Variants in GNAO1 observed in about 807,000 individuals in gnomAD.
GNAO1 encodes guanine nucleotide-binding protein G(o) subunit alpha.
For missense variants in GNAO1, 166 were observed against 478.7 expected, an observed-to-expected ratio of 0.35 and a Z score of 6.10; for synonymous variants, 164 against 180.7, an observed-to-expected ratio of 0.91 and a Z score of 0.74.
chr16:56,309,815 A>G (rs1022215030), intron 3 of GNAO1, among the ~76,000 whole-genome samples: 20 of 152,240 alleles, frequency 1.3e-4, no homozygotes, highest in African/African-American at 4.8e-4. Flanking sequence ...GTGCTGGGGC[A>G]GTCCTCCCCA....
At position 56,290,784 on chromosome 16, in the gene GNAO1, C is replaced by T. The variant is rs144614724; in HGVS notation, c.303+14712C>T. Among the ~76,000 whole-genome samples, 1,119 of 152,258 alleles carry T rather than the reference C, an allele frequency of 7.3e-3. 9 individuals carry two copies. Among genetic ancestry groups the T allele is most frequent in the African/African-American group, 0.021 (893 of 41,552 alleles). On this transcript the variant is annotated intron_variant, in intron 3 of 8. Coordinates refer to ENST00000262493, the MANE Select transcript of GNAO1 (RefSeq NM_020988.3). ...GCACCTCCAAAAGAAACCCTATACC[C>T]GTTAGCATTCCCTCCCTACCCCTCT...
intron 6 of GNAO1, chr16:56,345,984 T>TG (rs1245021937): frequency 2.0e-6 from 2 of 985,366 alleles, no homozygotes; most frequent in Admixed American, 1.2e-4. Context: ...AGCACCAGGC[T>TG]GGGTCCAGGC....
chr16:56,200,688 G>A (rs779360906), intron 2 of GNAO1, among the ~76,000 whole-genome samples: 1 of 152,170 alleles, frequency 6.6e-6, no homozygotes, highest in African/African-American at 2.4e-5. Flanking sequence ...GGCAGTCTAC[G>A]ACCTCACACC....
chr16:56,288,879 T>A (rs2037200749), intron 3 of GNAO1, among the ~76,000 whole-genome samples: 1 of 152,102 alleles, frequency 6.6e-6, no homozygotes, highest in Non-Finnish European at 1.5e-5. Flanking sequence ...CTACAGGGTC[T>A]CCATTTTTTC....
intron 2 of GNAO1, among the ~76,000 whole-genome samples, chr16:56,216,431 C>T (rs1274742154): frequency 1.3e-5 from 2 of 152,224 alleles, no homozygotes; most frequent in Admixed American, 1.3e-4. Context: ...CTACTCAACT[C>T]TTAGGCATTG....
At chr16:56,330,918 C>T (rs761570528) in intron 4 of GNAO1, among the ~76,000 whole-genome samples, 34 of 152,222 alleles carry the variant, frequency 2.2e-4, no homozygotes, top group Non-Finnish European at 3.7e-4. Flanking sequence ...CTGGGCCTTC[C>T]GTGTCTCCCC....
chr16:56,343,110 C>A (rs1429631955), intron 6 of GNAO1, among the ~76,000 whole-genome samples: 3 of 149,382 alleles, frequency 2.0e-5, no homozygotes, highest in Non-Finnish European at 3.0e-5. Context: ...AAAAAAAAAA[C>A]AAACAAAAAA....
chr16:56,238,091 C>A (rs2036657102), intron 2 of GNAO1, among the ~76,000 whole-genome samples: 1 of 152,104 alleles, frequency 6.6e-6, no homozygotes, highest in South Asian at 2.1e-4. Context: ...CATCATGGGT[C>A]CCATCACAGA....
chr16:56,283,151 C>A (rs2037130268), intron 3 of GNAO1, among the ~76,000 whole-genome samples: 1 of 152,218 alleles, frequency 6.6e-6, no homozygotes, highest in Non-Finnish European at 1.5e-5. Context: ...TAAGCTATTA[C>A]AACCTCCTTG....
intron 2 of GNAO1, among the ~76,000 whole-genome samples, chr16:56,241,052 C>T (rs1209616918): frequency 2.6e-5 from 4 of 152,224 alleles, no homozygotes; most frequent in Non-Finnish European, 5.9e-5. Flanking sequence ...GTGGCCCAGG[C>T]TTTACTTCCT....
chr16:56,230,880 A>G (rs2143396767), intron 2 of GNAO1, among the ~76,000 whole-genome samples: 1 of 152,314 alleles, frequency 6.6e-6, no homozygotes, highest in South Asian at 2.1e-4. Flanking sequence ...TGGGGAACTG[A>G]GGCCCAGAGA....
At chr16:56,235,164 C>A (rs962133515) in intron 2 of GNAO1, 7 of 375,282 alleles carry the variant, frequency 1.9e-5, no homozygotes, top group Non-Finnish European at 3.7e-5. Context: ...AGCTCATGCT[C>A]CCTTGAAGGC....
chr16:56,193,033 C>T (rs2036195220), intron 2 of GNAO1: 1 of 172,600 alleles, frequency 5.8e-6, no homozygotes, highest in Admixed American at 5.6e-5. Context: ...TCCCTATCCC[C>T]CAAGGTCCGT....
chr16:56,353,877 C>T (rs944813743), intron 7 of GNAO1, among the ~76,000 whole-genome samples: 2 of 152,240 alleles, frequency 1.3e-5, no homozygotes, highest in African/African-American at 4.8e-5. Context: ...GCTGTCCCAA[C>T]CCCCTGCCCC....
At chr16:56,340,580 T>G in intron 6 of GNAO1, 1 of 466,264 alleles carries the variant, frequency 2.1e-6, no homozygotes, top group Non-Finnish European at 3.9e-6. Context: ...CCAGCTCTCT[T>G]TGGAAGGGGG....
chr16:56,258,187 A>G (rs1347235255), intron 2 of GNAO1, among the ~76,000 whole-genome samples: 1 of 152,180 alleles, frequency 6.6e-6, no homozygotes, highest in Non-Finnish European at 1.5e-5. Flanking sequence ...ATTACTGTGA[A>G]ACAGAGCCAC....
rs116497272 is a variant in GNAO1, at chr16:56,337,788, G to A, written c.723+928G>A. On this transcript the variant is annotated intron_variant, in intron 6 of 8. Transcript: ENST00000262493. The stretch of plus-strand genomic sequence containing the variant: ...TGCCCTGAGCCTGCAGGTCCACTGC[G>A]TGGTCCCCTTCTGGGCTGCAGCCCG... 5.9e-3 allele frequency among the ~76,000 whole-genome samples: 891 copies of A among 152,302 alleles called. 11 individuals are homozygous for A. Among genetic ancestry groups the A allele is most frequent in the African/African-American group, 0.019 (775 of 41,550 alleles).
At chr16:56,247,482 G>GTTTTTT (rs61650674) in intron 2 of GNAO1, among the ~76,000 whole-genome samples, 7 of 119,674 alleles carry the variant, frequency 5.8e-5, no homozygotes, top group East Asian at 2.4e-4. Context: ...TTAGGGTGAG[G>GTTTTTT]TTTTTTTTTT....
intron 6 of GNAO1, chr16:56,340,323 G>A (rs1286512185): frequency 6.6e-6 from 1 of 152,298 alleles, no homozygotes; most frequent in Non-Finnish European, 1.5e-5. Flanking sequence ...ATTCCCTGGT[G>A]TCTGCTTCCA....
Sources: allele counts gnomAD v4.1 joint callset (sites outside exome capture counted in the v4.1 genomes callset), GRCh38; gene constraint gnomAD v4.1.1; transcripts MANE v1.5; gene names NCBI Gene and HGNC (gene_info 2026-07-23, HGNC 2026-07-21).